The following ABCC4 variants were observed in gnomAD, a reference collection of about 807,000 sequenced individuals.
The protein encoded by ABCC4 is ATP-binding cassette sub-family C member 4.
A neutral mutation model predicts 168.5 loss-of-function variants in ABCC4; 102 were observed. That is an observed-to-expected ratio of 0.61 (90% CI 0.52 to 0.71). ABCC4 has a LOEUF of 0.71. Ranked by LOEUF, ABCC4 falls within the 30% of genes least tolerant of loss-of-function variation. ABCC4 has a pLI of 0.00. For missense variants in ABCC4, 1,402 were observed against 1,605.8 expected (o/e 0.87, Z 2.17); for synonymous variants, 617 against 590.7 (o/e 1.04, Z -0.65).
In ABCC4 at chr13:95,259,856, GAAAA is replaced by G. The variant is rs11345832; in HGVS notation, c.75-12107_75-12104del. The stretch of plus-strand genomic sequence containing the variant: ...ACATGTTACATCTGTGTAGTGTGGG[GAAAA>G]AAAAAAAAAAAAGATGGGACACATG... On this transcript the variant is annotated intron_variant, in intron 1 of 30. Transcript: ENST00000645237. Among the ~76,000 whole-genome samples, 1,300 of 141,018 alleles carry G rather than the reference GAAAA, an allele frequency of 9.2e-3. 30 individuals carry two copies. The highest frequency in any genetic ancestry group is 0.091 in the East Asian group (443 of 4,856). The allele number at this position is 141,018 out of a possible 152,430, so 92.5% of individuals were successfully genotyped here. A position where few individuals can be genotyped will look rare whatever the true frequency, so the allele number is the denominator to read the frequency against.
At chr13:95,116,876 CT>C (rs1316086552) in intron 19 of ABCC4, among the ~76,000 whole-genome samples, 7 of 152,168 alleles carry the variant, frequency 4.6e-5, no homozygotes, top group African/African-American at 1.7e-4. Flanking sequence ...AACTTCTTTT[CT>C]AATCAACGCT....
chr13:95,169,598 C>A (rs1208145425), intron 14 of ABCC4, among the ~76,000 whole-genome samples: 1 of 152,206 alleles, frequency 6.6e-6, no homozygotes, highest in Non-Finnish European at 1.5e-5. Flanking sequence ...ATGGTCAGCA[C>A]CTTCACGTCA....
At chr13:95,275,379 T>C (rs993157368) in intron 1 of ABCC4, among the ~76,000 whole-genome samples, 2 of 152,192 alleles carry the variant, frequency 1.3e-5, no homozygotes, top group African/African-American at 4.8e-5. Flanking sequence ...CAGATTTAAG[T>C]TCACATTTCT....
At chr13:95,196,413 T>C (rs9516530) in intron 8 of ABCC4, among the ~76,000 whole-genome samples, 89,801 of 151,832 alleles carry the variant, frequency 0.59, 28,216 homozygotes, top group Non-Finnish European at 0.72. Context: ...CCTTGGAAGC[T>C]GCCTGGACAA....
At chr13:95,270,762 A>G (rs2138879796) in intron 1 of ABCC4, among the ~76,000 whole-genome samples, 1 of 152,338 alleles carries the variant, frequency 6.6e-6, no homozygotes, top group East Asian at 1.9e-4. Context: ...AGGCAGAGCC[A>G]CCACGCATGA....
intron 29 of ABCC4, among the ~76,000 whole-genome samples, chr13:95,040,836 C>T (rs1405603021): frequency 6.6e-6 from 1 of 152,180 alleles, no homozygotes; most frequent in African/African-American, 2.4e-5. Context: ...ACATTATACA[C>T]CCATAAGATT....
intron 20 of ABCC4, among the ~76,000 whole-genome samples, chr13:95,106,557 A>T (rs2035012865): frequency 6.6e-6 from 1 of 151,776 alleles, no homozygotes; most frequent in Non-Finnish European, 1.5e-5. Context: ...TAAAAAAAAG[A>T]AAAAGGGAGG....
At chr13:95,280,572 T>TA (rs61654581) in intron 1 of ABCC4, among the ~76,000 whole-genome samples, 104 of 131,010 alleles carry the variant, frequency 7.9e-4, no homozygotes, top group African/African-American at 1.7e-3. Flanking sequence ...TGCCTTCTAT[T>TA]AAAAAAAAAA....
intron 20 of ABCC4, among the ~76,000 whole-genome samples, chr13:95,107,725 G>A (rs918531373): frequency 6.6e-6 from 1 of 151,956 alleles, no homozygotes; most frequent in Non-Finnish European, 1.5e-5. Flanking sequence ...TCAGGAGTTC[G>A]AGACCAGTCT....
At chr13:95,115,659 C>CG (rs2035350626) in intron 20 of ABCC4, among the ~76,000 whole-genome samples, 1 of 152,118 alleles carries the variant, frequency 6.6e-6, no homozygotes, top group African/African-American at 2.4e-5. Flanking sequence ...TAGAGGCAGA[C>CG]GGAGAGCCAC....
Position 95,083,163 on chromosome 13 carries a change from T to A in ABCC4, c.2663A>T (p.Asp888Val). 6.2e-7 allele frequency: 1 copy of A among 1,613,960 alleles called. No homozygotes were observed. Among genetic ancestry groups the A allele is most frequent in the Non-Finnish European group, 8.5e-7 (1 of 1,179,930 alleles). The change falls in exon 21 of 31, where the codon GAT (aspartate) becomes GTT (valine). Residue 888 changes from aspartate to valine, a missense_variant. Coordinates refer to ENST00000645237, the MANE Select transcript of ABCC4 (RefSeq NM_005845.5). Reference protein sequence around the residue: ...LRRYFLETSRDVKRLESTTRS... With the variant: ...LRRYFLETSRVVKRLESTTRS... ...ACTTGTAGATTCCAGGCGCTTCACATCTCTTGACGTTTCCAAAAAATATCG... is the reference window on the plus strand; with the variant it reads ...ACTTGTAGATTCCAGGCGCTTCACAACTCTTGACGTTTCCAAAAAATATCG...
At chr13:95,036,669 G>A (rs1300334521) in intron 29 of ABCC4, among the ~76,000 whole-genome samples, 1 of 151,958 alleles carries the variant, frequency 6.6e-6, no homozygotes, top group Non-Finnish European at 1.5e-5. Flanking sequence ...TTGAGTTTAG[G>A]GGTGATAGAA....
chr13:95,096,165 A>C (rs1412893359), intron 20 of ABCC4: 1 of 644,682 alleles, frequency 1.6e-6, no homozygotes, highest in East Asian at 3.0e-5. Context: ...AGGACAACAC[A>C]GCGAGATCCC....
rs1678381 is a variant in ABCC4, at chr13:95,195,076, G to A, written c.1162-139C>T. 1.8e-3 allele frequency: 1,123 copies of A among 638,694 alleles called. 12 individuals carry two copies. The African/African-American group carries it at 0.019, about 11-fold the overall frequency. 39.6% of individuals were successfully genotyped at this position (638,694 alleles called of 1,614,324 possible). A position where few individuals can be genotyped will look rare whatever the true frequency, so the allele number is the denominator to read the frequency against. On this transcript the variant is annotated intron_variant, in intron 8 of 30. Transcript: ENST00000645237. ...TTTTACCAACCCTATTTAAAGTATC[G>A]GTTCACATCAGCATATGATATTTAT...
chr13:95,291,389 T>C (rs2041401497), intron 1 of ABCC4, among the ~76,000 whole-genome samples: 1 of 150,080 alleles, frequency 6.7e-6, no homozygotes, highest in South Asian at 2.1e-4. Context: ...GCCCAGGTGA[T>C]CCAATACTCC....
intron 8 of ABCC4, among the ~76,000 whole-genome samples, chr13:95,198,738 GAAAATGTGTCATATAT>G (rs2038534137): frequency 1.3e-5 from 2 of 152,266 alleles, no homozygotes; most frequent in Middle Eastern, 3.4e-3. Flanking sequence ...ACTGGATAAA[GAAAATGTGTCATATAT>G]ACACTGTGGA....
intron 1 of ABCC4, among the ~76,000 whole-genome samples, chr13:95,261,393 G>A (rs189694772): frequency 3.4e-4 from 51 of 152,208 alleles, no homozygotes; most frequent in Middle Eastern, 3.4e-3. Flanking sequence ...ATGTTGCAGT[G>A]AGCCAAAATC....
chr13:95,079,790 A>G (rs2034028981), intron 21 of ABCC4, among the ~76,000 whole-genome samples: 1 of 152,010 alleles, frequency 6.6e-6, no homozygotes, highest in Non-Finnish European at 1.5e-5. Flanking sequence ...ACCCAAGATC[A>G]CGGCCACTGC....
chr13:95,132,017 A>G (rs1433137471), intron 19 of ABCC4, among the ~76,000 whole-genome samples: 6 of 152,190 alleles, frequency 3.9e-5, no homozygotes, highest in African/African-American at 1.4e-4. Flanking sequence ...TCACAGCAGC[A>G]CTATGCACAA....
Sources: gnomAD v4.1 joint callset for allele counts (sites outside exome capture counted in the v4.1 genomes callset) on GRCh38, gnomAD v4.1.1 for gene constraint, MANE v1.5 for transcripts, NCBI Gene and HGNC (gene_info 2026-07-23, HGNC 2026-07-21) for gene names.